The following UBTD2 variants were observed in gnomAD, a reference collection of about 807,000 sequenced individuals.
The protein encoded by UBTD2 is ubiquitin domain-containing protein 2.
Under a neutral mutation model 19.8 loss-of-function variants are expected in UBTD2, and 9 were observed. That is an observed-to-expected ratio of 0.46 (90% confidence interval 0.27 to 0.79). UBTD2 has a LOEUF of 0.79. Ranked by LOEUF, UBTD2 falls within the 30% of genes least tolerant of loss-of-function variation. The pLI is 0.14. For synonymous variants in UBTD2, 98 were observed against 103.9 expected, an observed-to-expected ratio of 0.94 and a Z score of 0.35; for missense variants, 250 against 300.4, an observed-to-expected ratio of 0.83 and a Z score of 1.24.
rs564641430 is a variant in UBTD2, at chr5:172,283,476, G to A, written c.70+120C>T. ...CCGGAAGCGGAGCGCGGGGAATGAC[G>A]TGGAAGAGGGGATGACAAAGGGGCG... On this transcript the variant is annotated intron_variant, in intron 1 of 2. Coordinates refer to ENST00000393792, the MANE Select transcript of UBTD2 (RefSeq NM_152277.3). The surrounding 1 kb of genome is among the most constrained non-coding windows in gnomAD (Gnocchi z 4.3). 4.8e-4 allele frequency: 351 copies of A among 737,466 alleles called. 1 individual carries two copies. The African/African-American group carries it at 6.0e-3, about 13-fold the overall frequency. The allele number at this position is 737,466 out of a possible 1,614,324, so 45.7% of individuals were successfully genotyped here.
intron 1 of UBTD2, among the ~76,000 whole-genome samples, chr5:172,267,659 C>T (rs1369879443): frequency 2.0e-5 from 3 of 152,160 alleles, no homozygotes; most frequent in Non-Finnish European, 4.4e-5. Context: ...AAATCTCCTA[C>T]AGAACTTTAT....
At chr5:172,254,574 T>A in intron 1 of UBTD2, 2 of 641,052 alleles carry the variant, frequency 3.1e-6, no homozygotes, top group Non-Finnish European at 5.6e-6. Context: ...TCGTCTTCTG[T>A]GTGCTTTCAA....
At position 172,212,655 on chromosome 5, in the gene UBTD2, GT is replaced by G. The variant is rs1309309101; in HGVS notation, c.308-429del. Among the ~76,000 whole-genome samples, 11 of 152,250 alleles carry G rather than the reference GT, an allele frequency of 7.2e-5. No individual in the cohort carries two copies. The East Asian group carries it at 1.7e-3, about 24-fold the overall frequency. Reference sequence around the variant, plus strand: ...AATTCACCACAAGTGTTCCAGAGCAGTTTTCTTTTATTCTTTTTCTTTTTAT... The same window carrying G: ...AATTCACCACAAGTGTTCCAGAGCAGTTTCTTTTATTCTTTTTCTTTTTAT... On this transcript the variant is annotated intron_variant, in intron 2 of 2. Transcript: ENST00000393792.
chr5:172,241,707 G>GT (rs920928143), intron 1 of UBTD2, among the ~76,000 whole-genome samples: 3 of 151,980 alleles, frequency 2.0e-5, no homozygotes, highest in African/African-American at 4.8e-5. Context: ...GTAAATAAAA[G>GT]TTTTTTTAAA....
intron 1 of UBTD2, among the ~76,000 whole-genome samples, chr5:172,273,590 CAAAAAA>C (rs35687001): frequency 5.5e-5 from 2 of 36,398 alleles, no homozygotes; most frequent in African/African-American, 2.3e-4. Context: ...GACTCCGTCT[CAAAAAA>C]AAAAAAAAAA....
At chr5:172,272,446 G>A (rs1291253815) in intron 1 of UBTD2, among the ~76,000 whole-genome samples, 1 of 152,196 alleles carries the variant, frequency 6.6e-6, no homozygotes, top group African/African-American at 2.4e-5. Flanking sequence ...AGAAGCAGGT[G>A]CAGTGGCCCC....
At chr5:172,263,953 G>A (rs1755323003) in intron 1 of UBTD2, among the ~76,000 whole-genome samples, 1 of 151,674 alleles carries the variant, frequency 6.6e-6, no homozygotes, top group Non-Finnish European at 1.5e-5. Flanking sequence ...CTCCAGAGTA[G>A]ATGAGACTAC....
rs189733560 is a variant in UBTD2 at position 172,259,100 on chromosome 5, T to C, written c.70+24496A>G. On this transcript the variant is annotated intron_variant, in intron 1 of 2. Transcript: ENST00000393792. ...GTGGGTTTGTCATAGACGGCTCTTA[T>C]GATTTTGAGGTATGTTCCTTTAATG... Among the ~76,000 whole-genome samples, 288 of 152,258 alleles carry C rather than the reference T, an allele frequency of 1.9e-3. 5 individuals carry two copies. The highest frequency in any genetic ancestry group is 0.017 in the Admixed American group (263 of 15,274).
rs187820359 is a variant in UBTD2 at position 172,241,365 on chromosome 5, T to C, written c.71-7007A>G. 2.6e-4 allele frequency among the ~76,000 whole-genome samples: 38 copies of C among 147,454 alleles called. No individual in the cohort carries two copies. The East Asian group carries it at 7.2e-3, about 28-fold the overall frequency. On this transcript the variant is annotated intron_variant, in intron 1 of 2. Transcript: ENST00000393792. ...TGGAGGTTGCAGTGAGCTGAGATCATGCCATTGCACTCCAGCTTGGGTGAC... is the reference window on the plus strand; with the variant it reads ...TGGAGGTTGCAGTGAGCTGAGATCACGCCATTGCACTCCAGCTTGGGTGAC...
chr5:172,217,433 AAAAG>A (rs1364612220), intron 2 of UBTD2, among the ~76,000 whole-genome samples: 6 of 139,984 alleles, frequency 4.3e-5, no homozygotes, highest in Admixed American at 1.5e-4. Context: ...AAAAAAAAAA[AAAAG>A]AAAGAAAGAA....
rs764333279 is a variant in UBTD2 at position 172,211,873 on chromosome 5, A to G, written c.662T>C (p.Ile221Thr). The change falls in exon 3 of 3, where the codon ATA becomes ACA. Residue 221 changes from isoleucine to threonine, a missense_variant. Ile to Thr is a moderately conservative substitution (Grantham distance 89). Coordinates refer to ENST00000393792, the MANE Select transcript of UBTD2 (RefSeq NM_152277.3). ...TGGGTTCTGCACAGGTTGGCTCACT[A>G]TAACCTGTACAACATAGTCCTTTGG... ...KIPKDYVVQV[I>T]VSQPVQNPTP... is the part of the protein sequence containing the mutation. The G allele has an allele frequency of 2.5e-6, 4 of 1,614,188 alleles. No homozygotes were observed. The highest frequency in any genetic ancestry group is 3.3e-5 in the Admixed American group (2 of 60,032).
intron 1 of UBTD2, among the ~76,000 whole-genome samples, chr5:172,263,037 G>A (rs1396175555): frequency 2.0e-5 from 3 of 151,920 alleles, no homozygotes; most frequent in South Asian, 2.1e-4. Context: ...ACCTCCGGGC[G>A]AGCGATCCTC....
rs577541321 is a variant in UBTD2 at position 172,283,300 on chromosome 5, G to A, written c.70+296C>T. Among the ~76,000 whole-genome samples the A allele has an allele frequency of 2.0e-5, 3 of 152,122 alleles. No homozygotes were observed. The highest frequency in any genetic ancestry group is 2.9e-5 in the Non-Finnish European group (2 of 67,966). Reference sequence around the variant, plus strand: ...CTCAATAATTAAACGGCCTGGAGAGGGAGTGAGGTGGCCAGAAGGGCAGCT... The same window carrying A: ...CTCAATAATTAAACGGCCTGGAGAGAGAGTGAGGTGGCCAGAAGGGCAGCT... On this transcript the variant is annotated intron_variant, in intron 1 of 2. Coordinates refer to ENST00000393792, the MANE Select transcript of UBTD2 (RefSeq NM_152277.3). This position sits in a 1 kb window ranked among gnomAD's most constrained non-coding sequence, Gnocchi z 4.3.
intron 1 of UBTD2, among the ~76,000 whole-genome samples, chr5:172,238,937 A>T (rs1772066740): frequency 6.6e-6 from 1 of 152,200 alleles, no homozygotes; most frequent in Non-Finnish European, 1.5e-5. Context: ...GAGGGGAAAA[A>T]TGGAGTATTA....
intron 1 of UBTD2, among the ~76,000 whole-genome samples, chr5:172,247,057 G>T (rs951086786): frequency 6.6e-6 from 1 of 151,840 alleles, no homozygotes; most frequent in South Asian, 2.1e-4. Flanking sequence ...TCCGGCCCAA[G>T]ATTGCAGTTT....
intron 1 of UBTD2, among the ~76,000 whole-genome samples, chr5:172,252,911 T>C (rs1349985042): frequency 1.3e-5 from 2 of 152,192 alleles, no homozygotes; most frequent in African/African-American, 4.8e-5. Flanking sequence ...ACATGTTAAA[T>C]TCTATCCAGT....
chr5:172,211,645 T>C lies in UBTD2; in HGVS notation c.*185A>G. 1 of 555,094 alleles carries C rather than the reference T, an allele frequency of 1.8e-6. No homozygotes were observed. The allele number at this position is 555,094 out of a possible 1,614,324, so 34.4% of individuals were successfully genotyped here. ...ACATGAGTCTCAAAGCCTGGCTCTT[T>C]GTGTTTTATTATTTTTGTTGGTCTC... On this transcript the variant is annotated 3_prime_UTR_variant, in exon 3 of 3. Coordinates refer to ENST00000393792, the MANE Select transcript of UBTD2 (RefSeq NM_152277.3).
At chr5:172,273,031 C>T (rs766444088) in intron 1 of UBTD2, among the ~76,000 whole-genome samples, 43 of 146,258 alleles carry the variant, frequency 2.9e-4, no homozygotes, top group Non-Finnish European at 5.9e-4. Context: ...GAGCCAAGAT[C>T]GTGCCACTGC....
At chr5:172,225,933 CTTTTTTTTT>C (rs57155195) in intron 2 of UBTD2, among the ~76,000 whole-genome samples, 14 of 107,512 alleles carry the variant, frequency 1.3e-4, no homozygotes, top group East Asian at 1.0e-3. Flanking sequence ...GGCTTAAACT[CTTTTTTTTT>C]TTTTTTTTTT....
Sources: allele counts gnomAD v4.1 joint callset (sites outside exome capture counted in the v4.1 genomes callset), GRCh38; gene constraint gnomAD v4.1.1; non-coding constraint Gnocchi (gnomAD v3.1); transcripts MANE v1.5; gene names NCBI Gene and HGNC (gene_info 2026-07-23, HGNC 2026-07-21).